AGBL1: variants seen among roughly 807,000 people sequenced by gnomAD.
AGBL1 encodes cytosolic carboxypeptidase 4.
A neutral mutation model predicts 118.9 loss-of-function variants in AGBL1; 130 were observed. The observed-to-expected ratio is 1.09, with a 90% confidence interval of 0.95 to 1.26. AGBL1 has a LOEUF of 1.26. Among genes scored for constraint, AGBL1 ranks in the 50% most tolerant of loss-of-function variants. AGBL1 has a pLI of 0.00. For missense variants in AGBL1, 1,584 were observed against 1,298.1 expected (o/e 1.22, Z -3.38); for synonymous variants, 555 against 478.9 (o/e 1.16, Z -2.08).
chr15:86,240,142 T>C (rs2078619138), intron 6 of AGBL1, among the ~76,000 whole-genome samples: 1 of 152,240 alleles, frequency 6.6e-6, no homozygotes, highest in African/African-American at 2.4e-5. Context: ...TTAGCCTCTG[T>C]CTTCATTTGT....
chr15:86,824,340 T>C (rs368779624), intron 22 of AGBL1, among the ~76,000 whole-genome samples: 4 of 152,124 alleles, frequency 2.6e-5, no homozygotes, highest in East Asian at 3.9e-4. Context: ...CATTTATAAT[T>C]GCTTCAAAGA....
chr15:87,020,698 C>G (rs997495675), intron 24 of AGBL1, among the ~76,000 whole-genome samples: 2 of 152,112 alleles, frequency 1.3e-5, no homozygotes, highest in Middle Eastern at 6.8e-3. Flanking sequence ...TTCCTATGCA[C>G]TAAAAACAGG....
intron 21 of AGBL1, among the ~76,000 whole-genome samples, chr15:86,566,794 A>G (rs1366437122): frequency 6.6e-6 from 1 of 152,168 alleles, no homozygotes; most frequent in Non-Finnish European, 1.5e-5. Flanking sequence ...ACATGTATCC[A>G]TATCAATGGT....
At chr15:86,655,066 G>T (rs541038018) in intron 21 of AGBL1, among the ~76,000 whole-genome samples, 1 of 152,296 alleles carries the variant, frequency 6.6e-6, no homozygotes, top group Non-Finnish European at 1.5e-5. Context: ...CTGTTTATAA[G>T]GGAGGTAAGG....
At chr15:86,769,919 G>A (rs1244370725) in intron 22 of AGBL1, among the ~76,000 whole-genome samples, 1 of 151,898 alleles carries the variant, frequency 6.6e-6, no homozygotes, top group Non-Finnish European at 1.5e-5. Context: ...GGGTTCTAGT[G>A]CATATCCCAG....
intron 23 of AGBL1, among the ~76,000 whole-genome samples, chr15:86,931,047 C>T (rs906543852): frequency 1.3e-5 from 2 of 152,100 alleles, no homozygotes; most frequent in Non-Finnish European, 2.9e-5. Flanking sequence ...GACTGCCTGC[C>T]GTCTTTTACT....
chr15:86,403,197 T>C (rs1368377558), intron 18 of AGBL1, among the ~76,000 whole-genome samples: 1 of 152,162 alleles, frequency 6.6e-6, no homozygotes, highest in Non-Finnish European at 1.5e-5. Context: ...ATTCCCAATC[T>C]TTTTATCTTG....
At chr15:86,238,618 A>G (rs143620449) in intron 6 of AGBL1, among the ~76,000 whole-genome samples, 9 of 152,330 alleles carry the variant, frequency 5.9e-5, no homozygotes, top group Non-Finnish European at 1.2e-4. Flanking sequence ...CCACTGAGTG[A>G]GAAAATGCTG....
intron 18 of AGBL1, among the ~76,000 whole-genome samples, chr15:86,400,097 T>C (rs1314024440): frequency 6.6e-6 from 1 of 152,152 alleles, no homozygotes; most frequent in Non-Finnish European, 1.5e-5. Flanking sequence ...CCTTAGAACA[T>C]ACGTAACACA....
intron 21 of AGBL1, among the ~76,000 whole-genome samples, chr15:86,641,969 G>A (rs779900603): frequency 2.8e-4 from 43 of 152,270 alleles, no homozygotes; most frequent in South Asian, 4.1e-4. Flanking sequence ...TGCTCCATAT[G>A]TCTTTTCTTA....
At chr15:87,020,146 G>A (rs1044754930) in intron 24 of AGBL1, among the ~76,000 whole-genome samples, 2 of 151,988 alleles carry the variant, frequency 1.3e-5, no homozygotes, top group African/African-American at 4.8e-5. Context: ...AAAAAGCCCA[G>A]GACCAGAAGA....
At chr15:86,579,212 G>A (rs1347784196) in intron 21 of AGBL1, among the ~76,000 whole-genome samples, 1 of 152,136 alleles carries the variant, frequency 6.6e-6, no homozygotes, top group Non-Finnish European at 1.5e-5. Context: ...ATTGCATTAC[G>A]TTGCAAATTT....
At chr15:86,951,498 A>C (rs2080880277) in intron 23 of AGBL1, among the ~76,000 whole-genome samples, 1 of 152,206 alleles carries the variant, frequency 6.6e-6, no homozygotes, top group Admixed American at 6.5e-5. Flanking sequence ...TATAGTAACA[A>C]AGTGCAGCTG....
chr15:86,695,599 C>G (rs535548231), intron 22 of AGBL1, among the ~76,000 whole-genome samples: 1 of 151,850 alleles, frequency 6.6e-6, no homozygotes. Context: ...TCATTTAGTT[C>G]TGCTCTGGTC....
At chr15:86,565,128 A>C (rs1596271126) in intron 21 of AGBL1, among the ~76,000 whole-genome samples, 1 of 152,188 alleles carries the variant, frequency 6.6e-6, no homozygotes, top group East Asian at 1.9e-4. Flanking sequence ...TCTTCTCTCA[A>C]ATCGTCAAAG....
intron 17 of AGBL1, among the ~76,000 whole-genome samples, chr15:86,325,764 G>A (rs1416778787): frequency 6.6e-6 from 1 of 152,124 alleles, no homozygotes; most frequent in African/African-American, 2.4e-5. Context: ...GACTATACTG[G>A]AAATATAGGT....
intron 13 of AGBL1, among the ~76,000 whole-genome samples, chr15:86,269,159 T>A (rs2079118246): frequency 6.6e-6 from 1 of 152,200 alleles, no homozygotes; most frequent in Non-Finnish European, 1.5e-5. Context: ...GATAAATTCA[T>A]GGAGCTGTAT....
intron 22 of AGBL1, among the ~76,000 whole-genome samples, chr15:86,766,155 G>T (rs894879015): frequency 6.6e-6 from 1 of 151,854 alleles, no homozygotes. Flanking sequence ...GTAGAAGGAG[G>T]TTTAGTAATT....
At chr15:86,186,213 G>A (rs1466957719) in intron 5 of AGBL1, among the ~76,000 whole-genome samples, 1 of 152,088 alleles carries the variant, frequency 6.6e-6, no homozygotes, top group African/African-American at 2.4e-5. Flanking sequence ...ACAGGCGCTG[G>A]GACTTGCAGG....
Sources: allele counts gnomAD v4.1 joint callset (sites outside exome capture counted in the v4.1 genomes callset), GRCh38; gene constraint gnomAD v4.1.1; transcripts MANE v1.5; gene names NCBI Gene and HGNC (gene_info 2026-07-23, HGNC 2026-07-21).